The following NIBAN1 variants were observed in gnomAD, a reference collection of about 807,000 sequenced individuals.
The protein encoded by NIBAN1 is protein Niban 1.
Under a neutral mutation model 75.1 loss-of-function variants are expected in NIBAN1, and 81 were observed. The ratio of observed to expected loss-of-function variants is 1.08; its 90% confidence interval spans 0.90 to 1.30. The LOEUF (loss-of-function observed/expected upper bound fraction) is 1.30. NIBAN1 is among the 50% of genes most tolerant of loss of function. The pLI, the probability that NIBAN1 is intolerant of heterozygous loss-of-function variation, is 0.00. For missense variants in NIBAN1, 1,133 were observed against 1,128.1 expected, an observed-to-expected ratio of 1.00 and a Z score of -0.06; for synonymous variants, 436 against 424.8, an observed-to-expected ratio of 1.03 and a Z score of -0.32.
intron 1 of NIBAN1, among the ~76,000 whole-genome samples, chr1:184,942,027 A>T (rs1490169044): frequency 6.6e-6 from 1 of 152,228 alleles, no homozygotes; most frequent in Admixed American, 6.5e-5. Flanking sequence ...AAACTACCTT[A>T]AGACAATGCA....
chr1:184,802,740 C>T (rs1401227336), intron 12 of NIBAN1, among the ~76,000 whole-genome samples: 1 of 152,116 alleles, frequency 6.6e-6, no homozygotes, highest in African/African-American at 2.4e-5. Context: ...ATCATTTGCT[C>T]CAAAACGGAG....
chr1:184,926,110 G>A (rs1276412293), intron 1 of NIBAN1, among the ~76,000 whole-genome samples: 1 of 152,092 alleles, frequency 6.6e-6, no homozygotes, highest in African/African-American at 2.4e-5. Context: ...ACTATTCTAG[G>A]ATACAAGGTA....
At chr1:184,823,568 C>T (rs1027864287) in intron 7 of NIBAN1, 70 bp downstream of exon 7, 1 of 1,528,264 alleles carries the variant, frequency 6.5e-7, no homozygotes, top group Non-Finnish European at 9.0e-7. Flanking sequence ...ACAACAAATG[C>T]CCTAAAAGAA....
At chr1:184,893,018 TGCCTTG>T (rs1166980479) in intron 3 of NIBAN1, among the ~76,000 whole-genome samples, 1 of 152,136 alleles carries the variant, frequency 6.6e-6, no homozygotes, top group African/African-American at 2.4e-5. Flanking sequence ...GTGATCCACC[TGCCTTG>T]GCCTCCCAAA....
chr1:184,858,218 A>G (rs1655728481), intron 5 of NIBAN1, among the ~76,000 whole-genome samples: 1 of 152,140 alleles, frequency 6.6e-6, no homozygotes, highest in Non-Finnish European at 1.5e-5. Flanking sequence ...CAGAGTTCTT[A>G]TAAGAAAATT....
At chr1:184,808,487 C>T (rs1445762404) in intron 9 of NIBAN1, among the ~76,000 whole-genome samples, 1 of 152,064 alleles carries the variant, frequency 6.6e-6, no homozygotes, top group African/African-American at 2.4e-5. Context: ...AGCGGTGCAC[C>T]CACGGGGACT....
At chr1:184,887,279 C>T (rs1158980903) in intron 4 of NIBAN1, among the ~76,000 whole-genome samples, 1 of 152,088 alleles carries the variant, frequency 6.6e-6, no homozygotes, top group Admixed American at 6.5e-5. Flanking sequence ...TAGCACAATG[C>T]TGGGAATGAA....
chr1:184,803,073 GT>G (rs1277612923), intron 12 of NIBAN1, among the ~76,000 whole-genome samples: 4 of 152,220 alleles, frequency 2.6e-5, no homozygotes, highest in Non-Finnish European at 5.9e-5. Context: ...GTTTGTAGAG[GT>G]TTTAAGTGGT....
chr1:184,807,431 G>A lies in NIBAN1; in HGVS notation c.1335+643C>T, dbSNP rs190383300. Among the ~76,000 whole-genome samples the A allele has an allele frequency of 2.2e-3, 341 of 152,242 alleles. 3 individuals carry two copies. The highest frequency in any genetic ancestry group is 0.019 in the Admixed American group (291 of 15,300). On this transcript the variant is annotated intron_variant, in intron 10 of 13. Coordinates refer to ENST00000367511, the MANE Select transcript of NIBAN1 (RefSeq NM_052966.4). ...CGTTAGGGAATTAATTTAAGCCAGT[G>A]GCTCTCAATCCTGGCTGCATATTAG...
intron 1 of NIBAN1, among the ~76,000 whole-genome samples, chr1:184,902,230 C>T (rs1437453312): frequency 2.6e-5 from 4 of 152,030 alleles, no homozygotes; most frequent in Non-Finnish European, 5.9e-5. Context: ...AAGACCCCAC[C>T]TCTAATTTAA....
chr1:184,883,690 C>A (rs1395929307), intron 5 of NIBAN1, among the ~76,000 whole-genome samples: 1 of 152,180 alleles, frequency 6.6e-6, no homozygotes, highest in African/African-American at 2.4e-5. Context: ...GCCACTCGGC[C>A]GTGTGCTAGA....
At chr1:184,841,452 C>A (rs1393204819) in intron 5 of NIBAN1, among the ~76,000 whole-genome samples, 1 of 152,176 alleles carries the variant, frequency 6.6e-6, no homozygotes, top group African/African-American at 2.4e-5. Context: ...ATGGCTCTAG[C>A]TCATGCTGGA....
chr1:184,958,370 A>T (rs1248313700), intron 1 of NIBAN1, among the ~76,000 whole-genome samples: 2 of 99,274 alleles, frequency 2.0e-5, no homozygotes, highest in Admixed American at 1.0e-4. Flanking sequence ...GGAGTCACAC[A>T]CACACACACA....
chr1:184,955,360 T>TCC (rs57884022), intron 1 of NIBAN1, among the ~76,000 whole-genome samples: 5,502 of 148,866 alleles, frequency 0.037, 125 homozygotes, highest in Non-Finnish European at 0.053. Flanking sequence ...TCCTTTCCTT[T>TCC]TCTTTTTTGT....
At chr1:184,877,901 GAACAA>G (rs59330077) in intron 5 of NIBAN1, among the ~76,000 whole-genome samples, 13,344 of 151,532 alleles carry the variant, frequency 0.088, 1,761 homozygotes, top group African/African-American at 0.29. Flanking sequence ...TAAATAGCAC[GAACAA>G]AACAATTTTT....
chr1:184,936,282 G>A (rs1050962246), intron 1 of NIBAN1, among the ~76,000 whole-genome samples: 1 of 152,148 alleles, frequency 6.6e-6, no homozygotes, highest in Non-Finnish European at 1.5e-5. Context: ...TTCCGGGAGT[G>A]TAGTTTCAGC....
rs1218698554 is a variant in NIBAN1, at chr1:184,831,833, G to A, written c.717+14C>T. On this transcript the variant is annotated intron_variant, in intron 6 of 13. Transcript: ENST00000367511. ...AAACACAGAGAGAATCCAAAATTTT[G>A]AACCCCATATTACCTGGATTTCATC... 6.3e-7 allele frequency: 1 copy of A among 1,596,252 alleles called. No individual in the cohort carries two copies.
Position 184,913,480 on chromosome 1 carries a change from G to C in NIBAN1, c.56-14171C>G, listed in dbSNP as rs190434455. On this transcript the variant is annotated intron_variant, in intron 1 of 13. Transcript: ENST00000367511. Reference sequence around the variant, plus strand: ...ATGCACTCCATTGAAACTATTATGGGTTAACAGAATGGGAAGAATTATTCC... The same window carrying C: ...ATGCACTCCATTGAAACTATTATGGCTTAACAGAATGGGAAGAATTATTCC... 1.0e-3 allele frequency among the ~76,000 whole-genome samples: 152 copies of C among 152,162 alleles called. 1 individual carries two copies. The highest frequency in any genetic ancestry group is 3.5e-3 in the African/African-American group (144 of 41,516).
chr1:184,896,841 T>C (rs1656812170), intron 2 of NIBAN1, among the ~76,000 whole-genome samples: 1 of 152,166 alleles, frequency 6.6e-6, no homozygotes. Context: ...TTATCAAAGA[T>C]CAGTTGGTTG....
Sources: gnomAD v4.1 joint callset for allele counts (sites outside exome capture counted in the v4.1 genomes callset) on GRCh38, gnomAD v4.1.1 for gene constraint, MANE v1.5 for transcripts, NCBI Gene and HGNC (gene_info 2026-07-23, HGNC 2026-07-21) for gene names.